LRRTM4: variants seen among roughly 807,000 people sequenced by gnomAD.
The protein encoded by LRRTM4 is leucine rich repeat transmembrane neuronal 4.
Under a neutral mutation model 47.6 loss-of-function variants are expected in LRRTM4, and 25 were observed. The observed-to-expected ratio is 0.53, with a 90% CI of 0.38 to 0.73. The LOEUF (loss-of-function observed/expected upper bound fraction) is 0.73, where lower values mean the gene tolerates loss of function less well. Among genes scored for constraint, LRRTM4 ranks in the 30% least tolerant of loss-of-function variants. The pLI, the probability that LRRTM4 is intolerant of heterozygous loss-of-function variation, is 0.00. For synonymous variants in LRRTM4, 311 were observed against 269.5 expected (o/e 1.15, Z -1.51); for missense variants, 638 against 713.4 (o/e 0.89, Z 1.20).
intron 3 of LRRTM4, among the ~76,000 whole-genome samples, chr2:76,973,750 G>T (rs1053047140): frequency 1.3e-5 from 2 of 151,892 alleles, no homozygotes; most frequent in East Asian, 3.9e-4. Context: ...ATGACAAAAT[G>T]AAATATAGAA....
chr2:76,857,059 C>T (rs1020156150), intron 3 of LRRTM4, among the ~76,000 whole-genome samples: 2 of 151,640 alleles, frequency 1.3e-5, no homozygotes, highest in Non-Finnish European at 2.9e-5. Context: ...GTACAGTTGA[C>T]CCTTGAACAA....
intron 3 of LRRTM4, among the ~76,000 whole-genome samples, chr2:77,463,668 A>G (rs1676873667): frequency 6.6e-6 from 1 of 152,064 alleles, no homozygotes; most frequent in Non-Finnish European, 1.5e-5. Flanking sequence ...TTTCTCATTC[A>G]CAGACCTTGT....
intron 3 of LRRTM4, among the ~76,000 whole-genome samples, chr2:76,795,013 C>G (rs933092692): frequency 6.6e-6 from 1 of 151,544 alleles, no homozygotes; most frequent in Admixed American, 6.6e-5. Context: ...AAAAATATTA[C>G]CAGATTTTAT....
chr2:77,434,649 T>C (rs1675520723), intron 3 of LRRTM4, among the ~76,000 whole-genome samples: 1 of 152,190 alleles, frequency 6.6e-6, no homozygotes, highest in South Asian at 2.1e-4. Flanking sequence ...GAACTTTCTC[T>C]CCAGGTTTGG....
intron 3 of LRRTM4, among the ~76,000 whole-genome samples, chr2:76,847,606 A>C (rs1307804461): frequency 6.6e-6 from 1 of 152,062 alleles, no homozygotes; most frequent in African/African-American, 2.4e-5. Flanking sequence ...TTTATAATTA[A>C]AAGAAGTTCT....
intron 3 of LRRTM4, among the ~76,000 whole-genome samples, chr2:77,238,308 A>G (rs1675165048): frequency 6.6e-6 from 1 of 152,106 alleles, no homozygotes; most frequent in African/African-American, 2.4e-5. Flanking sequence ...TTTAAAAGGG[A>G]CTATATCAAT....
intron 3 of LRRTM4, among the ~76,000 whole-genome samples, chr2:76,774,729 A>G (rs897316053): frequency 5.3e-5 from 8 of 152,134 alleles, no homozygotes; most frequent in African/African-American, 1.9e-4. Context: ...CTTTATGGAA[A>G]CACATCATAA....
intron 3 of LRRTM4, among the ~76,000 whole-genome samples, chr2:76,934,584 T>C (rs546599751): frequency 1.3e-5 from 2 of 152,264 alleles, no homozygotes; most frequent in South Asian, 4.1e-4. Context: ...CAGTTGTCAA[T>C]TTGCAGTGTG....
At chr2:76,959,070 G>A (rs1573369583) in intron 3 of LRRTM4, among the ~76,000 whole-genome samples, 1 of 151,688 alleles carries the variant, frequency 6.6e-6, no homozygotes, top group East Asian at 1.9e-4. Flanking sequence ...TCTGCATCAT[G>A]AGCATAATCA....
At chr2:76,802,843 G>A (rs532709549) in intron 3 of LRRTM4, among the ~76,000 whole-genome samples, 14 of 152,048 alleles carry the variant, frequency 9.2e-5, no homozygotes, top group Non-Finnish European at 1.5e-4. Flanking sequence ...AAGAATTCAC[G>A]ATGGAGAAAG....
At chr2:76,780,222 A>T (rs1230289040) in intron 3 of LRRTM4, among the ~76,000 whole-genome samples, 1 of 152,126 alleles carries the variant, frequency 6.6e-6, no homozygotes. Flanking sequence ...ACTTTGGTGA[A>T]TCTGACAATT....
At chr2:76,753,578 CA>C (rs1347976671) in intron 3 of LRRTM4, among the ~76,000 whole-genome samples, 2 of 152,026 alleles carry the variant, frequency 1.3e-5, no homozygotes, top group African/African-American at 4.8e-5. Context: ...AAAAGTGACA[CA>C]TTTTTTTCAA....
intron 3 of LRRTM4, among the ~76,000 whole-genome samples, chr2:77,170,872 G>C (rs2103833192): frequency 6.6e-6 from 1 of 150,652 alleles, no homozygotes; most frequent in East Asian, 1.9e-4. Context: ...TTTAATTTGT[G>C]TGTAAAACTT....
intron 3 of LRRTM4, among the ~76,000 whole-genome samples, chr2:76,983,844 CAA>C (rs572543228): frequency 6.6e-6 from 1 of 151,962 alleles, no homozygotes; most frequent in Non-Finnish European, 1.5e-5. Flanking sequence ...TTCACAATGA[CAA>C]AGTTTAGAGA....
intron 3 of LRRTM4, among the ~76,000 whole-genome samples, chr2:77,140,779 G>A (rs553179783): frequency 6.6e-6 from 1 of 151,814 alleles, no homozygotes; most frequent in African/African-American, 2.4e-5. Context: ...AGATTTACAA[G>A]AAAAAAACAA....
At chr2:77,125,190 G>A (rs749079909) in intron 3 of LRRTM4, among the ~76,000 whole-genome samples, 1 of 152,170 alleles carries the variant, frequency 6.6e-6, no homozygotes, top group African/African-American at 2.4e-5. Context: ...AGCTGTCTTA[G>A]TGGATCACAA....
intron 3 of LRRTM4, chr2:77,009,077 G>C (rs559513118): frequency 6.6e-6 from 1 of 152,094 alleles, no homozygotes; most frequent in Non-Finnish European, 1.5e-5. Context: ...CAAATGCTGA[G>C]AGCACACCAT....
At chr2:77,242,386 T>C (rs186449024) in intron 3 of LRRTM4, among the ~76,000 whole-genome samples, 3 of 152,208 alleles carry the variant, frequency 2.0e-5, no homozygotes, top group African/African-American at 2.4e-5. Context: ...AATGCAACCA[T>C]CCAAATGGGA....
intron 3 of LRRTM4, among the ~76,000 whole-genome samples, chr2:77,161,034 C>T (rs1356913142): frequency 6.6e-6 from 1 of 152,100 alleles, no homozygotes; most frequent in South Asian, 2.1e-4. Flanking sequence ...CAGACCCCCT[C>T]GATGACTTCC....
Sources: gnomAD v4.1 joint callset for allele counts (sites outside exome capture counted in the v4.1 genomes callset) on GRCh38, gnomAD v4.1.1 for gene constraint, MANE v1.5 for transcripts, NCBI Gene and HGNC (gene_info 2026-07-23, HGNC 2026-07-21) for gene names.